The following PARD3B variants were observed in gnomAD, a reference collection of about 807,000 sequenced individuals.
The protein encoded by PARD3B is par-3 family cell polarity regulator beta.
PARD3B carries 103 observed loss-of-function variants against 130.2 expected under a neutral mutation model. That is an observed-to-expected ratio of 0.79 (90% CI 0.67 to 0.93). The LOEUF (loss-of-function observed/expected upper bound fraction) is 0.93, where lower values mean the gene tolerates loss of function less well. PARD3B is among the 40% of genes least tolerant of loss of function. The pLI is 0.00. For missense variants in PARD3B, 1,609 were observed against 1,499.2 expected (o/e 1.07, Z -1.21); for synonymous variants, 583 against 553.2 (o/e 1.05, Z -0.76).
In PARD3B at chr2:204,893,571, C is replaced by G. The variant is rs952013232; in HGVS notation, c.223-71581C>G. ...GTAATTTTAAATATTTTAGTAGCCT[C>G]ATTCAAATGTGAAAAGATACAGCAC... On this transcript the variant is annotated intron_variant, in intron 2 of 22. Coordinates refer to ENST00000406610, the MANE Select transcript of PARD3B (RefSeq NM_001302769.2). 2.6e-5 allele frequency among the ~76,000 whole-genome samples: 4 copies of G among 152,132 alleles called. 1 individual carries two copies. The highest frequency in any genetic ancestry group is 9.7e-5 in the African/African-American group (4 of 41,438).
chr2:205,493,581 C>T (rs901827893), intron 20 of PARD3B, among the ~76,000 whole-genome samples: 4 of 151,906 alleles, frequency 2.6e-5, no homozygotes, highest in African/African-American at 9.7e-5. Flanking sequence ...AAAAACACTC[C>T]CTATCCTACT....
At chr2:205,452,345 C>T (rs2048129611) in intron 20 of PARD3B, among the ~76,000 whole-genome samples, 1 of 152,174 alleles carries the variant, frequency 6.6e-6, no homozygotes, top group Non-Finnish European at 1.5e-5. Flanking sequence ...ACCTCTGACT[C>T]ATGACTTCGT....
At chr2:204,739,822 T>A (rs2039920725) in intron 2 of PARD3B, among the ~76,000 whole-genome samples, 1 of 152,022 alleles carries the variant, frequency 6.6e-6, no homozygotes, top group African/African-American at 2.4e-5. Context: ...GAAAAAAATT[T>A]TTGGTTTTAA....
At chr2:205,612,642 C>T (rs150201724) in intron 22 of PARD3B, among the ~76,000 whole-genome samples, 5 of 152,278 alleles carry the variant, frequency 3.3e-5, no homozygotes, top group Non-Finnish European at 7.4e-5. Context: ...TAGGCCAACT[C>T]ATTGTTTTTC....
intron 11 of PARD3B, among the ~76,000 whole-genome samples, chr2:205,170,878 T>G (rs529206722): frequency 4.3e-4 from 65 of 152,230 alleles, no homozygotes; most frequent in African/African-American, 1.5e-3. Flanking sequence ...TCTTTAATAT[T>G]TTCCTTTCCC....
At chr2:205,049,429 T>C (rs1447822253) in intron 4 of PARD3B, among the ~76,000 whole-genome samples, 2 of 152,140 alleles carry the variant, frequency 1.3e-5, no homozygotes, top group Non-Finnish European at 2.9e-5. Context: ...GGGGGAACTG[T>C]GCCCATGATC....
At chr2:204,960,368 G>A (rs1690636723) in intron 2 of PARD3B, among the ~76,000 whole-genome samples, 1 of 152,100 alleles carries the variant, frequency 6.6e-6, no homozygotes, top group South Asian at 2.1e-4. Flanking sequence ...AGCCTGAAAA[G>A]GAAAGAGAAG....
rs1428854335 is a variant in PARD3B at position 205,514,334 on chromosome 2, C to T, written c.3180+14303C>T. 2.6e-5 allele frequency among the ~76,000 whole-genome samples: 4 copies of T among 152,044 alleles called. No individual in the cohort carries two copies. In the East Asian group the frequency reaches 5.8e-4, roughly 22 times the overall value. On this transcript the variant is annotated intron_variant, in intron 21 of 22. Transcript: ENST00000406610. The stretch of plus-strand genomic sequence containing the variant: ...TCCAATGCAGGAACACACACACTTA[C>T]GTTTGGTCATGATGTAAATTATAAG...
intron 19 of PARD3B, 40 bp downstream of exon 19, chr2:205,401,163 A>G (rs185758367): frequency 2.7e-5 from 40 of 1,466,752 alleles, no homozygotes; most frequent in East Asian, 1.2e-4. Context: ...CTTTGACTCT[A>G]TGGTCTGGGT....
At chr2:205,605,187 A>T (rs1439757522) in intron 22 of PARD3B, among the ~76,000 whole-genome samples, 1 of 152,176 alleles carries the variant, frequency 6.6e-6, no homozygotes, top group Non-Finnish European at 1.5e-5. Context: ...GTTATTACCC[A>T]CCTTCTGAAG....
At chr2:204,815,768 A>C (rs146571098) in intron 2 of PARD3B, among the ~76,000 whole-genome samples, 62 of 152,068 alleles carry the variant, frequency 4.1e-4, no homozygotes, top group African/African-American at 1.4e-3. Context: ...TGATTTCTTC[A>C]TTGACCCTGA....
At chr2:205,203,737 A>G (rs1055255102) in intron 15 of PARD3B, among the ~76,000 whole-genome samples, 1 of 152,172 alleles carries the variant, frequency 6.6e-6, no homozygotes, top group Admixed American at 6.6e-5. Flanking sequence ...TTTGCTGAGA[A>G]TGATGGTTTC....
intron 10 of PARD3B, among the ~76,000 whole-genome samples, chr2:205,153,293 G>C (rs2033888073): frequency 6.6e-6 from 1 of 152,184 alleles, no homozygotes; most frequent in Non-Finnish European, 1.5e-5. Flanking sequence ...CATGCTGAGA[G>C]AACCACTGCT....
At chr2:205,499,644 T>C (rs1348759096) in intron 20 of PARD3B, among the ~76,000 whole-genome samples, 1 of 152,204 alleles carries the variant, frequency 6.6e-6, no homozygotes, top group Non-Finnish European at 1.5e-5. Context: ...GTAAAGACTC[T>C]ATCTTACCTT....
chr2:204,758,814 A>T (rs1373493930), intron 2 of PARD3B, among the ~76,000 whole-genome samples: 1 of 152,084 alleles, frequency 6.6e-6, no homozygotes, highest in Non-Finnish European at 1.5e-5. Context: ...CGTGGTTATG[A>T]TTTCTTCCAG....
At chr2:205,522,746 T>G (rs552604416) in intron 21 of PARD3B, among the ~76,000 whole-genome samples, 1 of 152,184 alleles carries the variant, frequency 6.6e-6, no homozygotes, top group African/African-American at 2.4e-5. Context: ...ACACAATAAA[T>G]TTTTACTAAC....
intron 4 of PARD3B, among the ~76,000 whole-genome samples, chr2:205,086,532 A>G (rs998249934): frequency 5.3e-5 from 8 of 152,152 alleles, no homozygotes; most frequent in South Asian, 4.1e-4. Flanking sequence ...CCCAGTGCAT[A>G]TGATTTGAAA....
chr2:205,584,411 C>T lies in PARD3B; in HGVS notation c.3260+31008C>T, dbSNP rs2054116601. Among the ~76,000 whole-genome samples, 1 of 152,142 alleles carries T rather than the reference C, an allele frequency of 6.6e-6. No homozygotes were observed. The highest frequency in any genetic ancestry group is 6.5e-5 in the Admixed American group (1 of 15,270). ...ATGTATGCGAGGCCGGACACGATAG[C>T]TCATGCTTACAATCCCAGCACTTTA... On this transcript the variant is annotated intron_variant, in intron 22 of 22. Transcript: ENST00000406610. The surrounding 1 kb of genome is among the most constrained non-coding windows in gnomAD (Gnocchi z 5.5).
intron 20 of PARD3B, among the ~76,000 whole-genome samples, chr2:205,455,042 A>G (rs2106207428): frequency 6.6e-6 from 1 of 152,226 alleles, no homozygotes; most frequent in South Asian, 2.1e-4. Context: ...AGATAGAACA[A>G]AGGAAGACAA....
Sources: gnomAD v4.1 joint callset for allele counts (sites outside exome capture counted in the v4.1 genomes callset) on GRCh38, gnomAD v4.1.1 for gene constraint, Gnocchi (gnomAD v3.1) non-coding constraint, MANE v1.5 for transcripts, NCBI Gene and HGNC (gene_info 2026-07-23, HGNC 2026-07-21) for gene names.